MEI4: variants seen among roughly 807,000 people sequenced by gnomAD.
The protein encoded by MEI4 is meiotic double-stranded break formation protein 4.
Under a neutral mutation model 31.4 loss-of-function variants are expected in MEI4, and 27 were observed. The ratio of observed to expected loss-of-function variants is 0.86; its 90% confidence interval spans 0.63 to 1.19. The LOEUF is 1.19. Among genes scored for constraint, MEI4 ranks in the 50% most tolerant of loss-of-function variants. MEI4 has a pLI of 0.00. For missense variants in MEI4, 329 were observed against 398.9 expected, an observed-to-expected ratio of 0.82 and a Z score of 1.49; for synonymous variants, 122 against 145.4, an observed-to-expected ratio of 0.84 and a Z score of 1.16.
intron 4 of MEI4, among the ~76,000 whole-genome samples, chr6:77,873,033 A>C (rs529980217): frequency 6.6e-6 from 1 of 151,798 alleles, no homozygotes; most frequent in Non-Finnish European, 1.5e-5. Context: ...TAGTGCTGCA[A>C]TAAACATACG....
intron 1 of MEI4, among the ~76,000 whole-genome samples, chr6:77,666,876 T>TGCGC (rs1554208076): frequency 1.6e-5 from 2 of 122,034 alleles, no homozygotes; most frequent in African/African-American, 5.5e-5. Context: ...TGTGTGTGTG[T>TGCGC]GTGTGTGCGT....
intron 4 of MEI4, among the ~76,000 whole-genome samples, chr6:77,922,221 G>A (rs914236957): frequency 6.6e-6 from 1 of 151,572 alleles, no homozygotes; most frequent in African/African-American, 2.4e-5. Flanking sequence ...TTTCGTAAAT[G>A]TTCCCAAAGG....
At position 77,736,199 on chromosome 6, in the gene MEI4, C is replaced by T. The variant is rs188654772; in HGVS notation, c.233-24931C>T. On this transcript the variant is annotated intron_variant, in intron 2 of 4. Transcript: ENST00000684080. ...TCCAGGCTGCTTTGTTTACCCTAAG[C>T]AAGCCTGGGCAATGGCGGGCGCCCC... is the stretch of plus-strand genomic sequence containing the variant. Among the ~76,000 whole-genome samples, 591 of 152,194 alleles carry T rather than the reference C, an allele frequency of 3.9e-3. 2 individuals carry two copies. Among genetic ancestry groups the T allele is most frequent in the Non-Finnish European group, 6.1e-3 (414 of 68,024 alleles).
intron 2 of MEI4, among the ~76,000 whole-genome samples, chr6:77,736,878 G>C (rs1767255284): frequency 6.6e-6 from 1 of 151,428 alleles, no homozygotes. Context: ...TATTTTGAAG[G>C]AAGTTGCTTG....
In MEI4 at chr6:77,695,585, A is replaced by C. The variant is rs9448159; in HGVS notation, c.232+4682A>C. On this transcript the variant is annotated intron_variant, in intron 2 of 4. Transcript: ENST00000684080. ...GATCAGATAGTTGTAGATATGTGGC[A>C]TTATTTTTGAGGGCTCTGTTCTGTT... is the stretch of plus-strand genomic sequence containing the variant. Among the ~76,000 whole-genome samples, 1,058 of 152,188 alleles carry C rather than the reference A, an allele frequency of 7.0e-3. 12 individuals are homozygous for C. Among genetic ancestry groups the C allele is most frequent in the African/African-American group, 0.024 (998 of 41,512 alleles).
At position 77,883,225 on chromosome 6, in the gene MEI4, T is replaced by G. The variant is rs183873890; in HGVS notation, c.901-39864T>G. On this transcript the variant is annotated intron_variant, in intron 4 of 4. Transcript: ENST00000684080. Reference sequence around the variant, plus strand: ...CATATTTATGGAGTATGTGTGATATTTTGCATATGATCTGTAATGATCAAA... The same window carrying G: ...CATATTTATGGAGTATGTGTGATATGTTGCATATGATCTGTAATGATCAAA... 1.2e-4 allele frequency among the ~76,000 whole-genome samples: 19 copies of G among 152,280 alleles called. No individual in the cohort carries two copies. In the East Asian group the frequency reaches 3.5e-3, roughly 28 times the overall value.
At chr6:77,909,719 T>A (rs1191784072) in intron 4 of MEI4, among the ~76,000 whole-genome samples, 2 of 152,150 alleles carry the variant, frequency 1.3e-5, no homozygotes, top group African/African-American at 2.4e-5. Flanking sequence ...GAGGCCAGCA[T>A]CATCCTGATA....
chr6:77,844,552 T>G (rs1416914761), intron 4 of MEI4, among the ~76,000 whole-genome samples: 1 of 152,176 alleles, frequency 6.6e-6, no homozygotes, highest in Non-Finnish European at 1.5e-5. Context: ...AAGTTTTTAT[T>G]GCAAATTGAA....
chr6:77,783,200 A>G (rs996746547), intron 3 of MEI4, among the ~76,000 whole-genome samples: 2 of 152,206 alleles, frequency 1.3e-5, no homozygotes, highest in Non-Finnish European at 1.5e-5. Flanking sequence ...CTTTAGGTTT[A>G]TCTAAGAGAA....
At chr6:77,746,045 A>T (rs938191849) in intron 2 of MEI4, among the ~76,000 whole-genome samples, 1 of 152,224 alleles carries the variant, frequency 6.6e-6, no homozygotes, top group African/African-American at 2.4e-5. Context: ...ACACCCTAAC[A>T]TCACAATTAA....
intron 3 of MEI4, among the ~76,000 whole-genome samples, chr6:77,790,694 T>C (rs1768897423): frequency 1.3e-5 from 2 of 152,160 alleles, no homozygotes; most frequent in South Asian, 4.1e-4. Context: ...TTGAGACTCA[T>C]GATCATACTG....
At chr6:77,801,597 T>A (rs1769260829) in intron 3 of MEI4, among the ~76,000 whole-genome samples, 1 of 152,210 alleles carries the variant, frequency 6.6e-6, no homozygotes, top group Non-Finnish European at 1.5e-5. Context: ...CAATTTTAGA[T>A]CTTTCCTGCT....
chr6:77,743,270 A>G (rs1767471305), intron 2 of MEI4, among the ~76,000 whole-genome samples: 1 of 152,138 alleles, frequency 6.6e-6, no homozygotes, highest in Non-Finnish European at 1.5e-5. Flanking sequence ...ATGTTCTTCC[A>G]TTTGTTTGTA....
intron 3 of MEI4, among the ~76,000 whole-genome samples, chr6:77,778,559 G>A (rs774375533): frequency 1.3e-4 from 20 of 151,894 alleles, no homozygotes; most frequent in Non-Finnish European, 1.8e-4. Flanking sequence ...AAAAATAGCT[G>A]GGCGGTATGG....
chr6:77,835,427 A>G (rs538408044), intron 4 of MEI4, among the ~76,000 whole-genome samples: 42 of 151,070 alleles, frequency 2.8e-4, no homozygotes, highest in African/African-American at 9.9e-4. Flanking sequence ...AAAAGAAGAG[A>G]AAAAAGCTCC....
At chr6:77,777,091 CACAAATCTAA>C in intron 3 of MEI4, among the ~76,000 whole-genome samples, 1 of 152,088 alleles carries the variant, frequency 6.6e-6, no homozygotes, top group East Asian at 1.9e-4. Flanking sequence ...ATATTGAGGA[CACAAATCTAA>C]ACTGGCCCCT....
chr6:77,837,297 G>T (rs936948841), intron 4 of MEI4, among the ~76,000 whole-genome samples: 1 of 152,234 alleles, frequency 6.6e-6, no homozygotes, highest in East Asian at 1.9e-4. Flanking sequence ...TCTTGTCAAC[G>T]AATCAAACCT....
chr6:77,698,129 C>T (rs181196124), intron 2 of MEI4, among the ~76,000 whole-genome samples: 58 of 152,230 alleles, frequency 3.8e-4, no homozygotes, highest in African/African-American at 1.3e-3. Flanking sequence ...GTAGATCTTC[C>T]TCCATCCCTT....
chr6:77,673,312 T>A (rs557571662), intron 1 of MEI4, among the ~76,000 whole-genome samples: 1 of 152,358 alleles, frequency 6.6e-6, no homozygotes, highest in African/African-American at 2.4e-5. Context: ...GTGCTTACTG[T>A]GTGCCAGGTA....
Sources: allele counts gnomAD v4.1 joint callset (sites outside exome capture counted in the v4.1 genomes callset), GRCh38; gene constraint gnomAD v4.1.1; transcripts MANE v1.5; gene names NCBI Gene and HGNC (gene_info 2026-07-23, HGNC 2026-07-21).